The following AMDHD2 variants were observed in gnomAD, a reference collection of about 807,000 sequenced individuals.
AMDHD2 encodes the protein N-acetylglucosamine-6-phosphate deacetylase.
In AMDHD2, 24 loss-of-function variants were observed where a neutral mutation model predicts 41.8. The observed-to-expected ratio is 0.57, with a 90% confidence interval of 0.42 to 0.81. AMDHD2 has a LOEUF of 0.81. Ranked by LOEUF, AMDHD2 falls within the 30% of genes least tolerant of loss-of-function variation. The pLI is 0.00. For synonymous variants in AMDHD2, 332 were observed against 255.5 expected (o/e 1.30, Z -2.85); for missense variants, 540 against 588.5 (o/e 0.92, Z 0.85).
At chr16:2,522,331 C>T (rs1166606904) in intron 3 of AMDHD2, among the ~76,000 whole-genome samples, 3 of 152,194 alleles carry the variant, frequency 2.0e-5, no homozygotes, top group Non-Finnish European at 4.4e-5. Context: ...ATCCTCCTGT[C>T]TTAGTCCCCC....
chr16:2,528,620 C>G (rs150329695), intron 8 of AMDHD2, 30 bp from the exon 9 acceptor site: 81 of 1,612,958 alleles, frequency 5.0e-5, no homozygotes, highest in Non-Finnish European at 6.5e-5. Context: ...GCCCACGACC[C>G]CCCCAGAGCC....
rs1252821657 is a variant in AMDHD2 at position 2,530,285 on chromosome 16, T to C, written c.*722T>C. 6.2e-7 allele frequency: 1 copy of C among 1,613,440 alleles called. No individual in the cohort carries two copies. The highest frequency in any genetic ancestry group is 8.5e-7 in the Non-Finnish European group (1 of 1,179,820). ...CAGTGCTTGCCGGCTGTGGTGACCC[T>C]GCCTGGTGCTGGAGGGCAGTATGGG... On this transcript the variant is annotated 3_prime_UTR_variant, in exon 11 of 11. Coordinates refer to ENST00000293971, the MANE Select transcript of AMDHD2 (RefSeq NM_001330449.2).
rs138726717 is a variant in AMDHD2 at position 2,521,121 on chromosome 16, A to G, written c.358A>G (p.Lys120Glu). The G allele has an allele frequency of 4.9e-5, 78 of 1,576,356 alleles. No individual in the cohort carries two copies. The highest frequency in any genetic ancestry group is 6.4e-5 in the Non-Finnish European group (74 of 1,155,278). The change falls in exon 3 of 11, where the codon AAG becomes GAG. Residue 120 changes from lysine (K) to glutamate (E), a missense_variant and splice_region_variant. Physicochemically the swap from Lys to Glu is moderately conservative, Grantham distance 56 (BLOSUM62 1). Transcript: ENST00000293971. ...CACTTCCCCACCGGAGGTTTATCAC[A>G]AGGTGAGGTGAGGCTCCCTGGCTGA... Reference protein sequence around the residue: ...LVTSPPEVYHKVVPQIPVKSG... With the variant: ...LVTSPPEVYHEVVPQIPVKSG...
In AMDHD2 at chr16:2,529,109, G is replaced by A. The variant is rs370224442; in HGVS notation, c.1141+14G>A. ...GTGCTGACGCAGGTGAGGGCCTGTC[G>A]CAGGGTCACCGGGCAGCCTGGCCCT... On this transcript the variant is annotated intron_variant, in intron 10 of 10. Transcript: ENST00000293971. 1.1e-5 allele frequency: 17 copies of A among 1,540,176 alleles called. No individual in the cohort carries two copies. The highest frequency in any genetic ancestry group is 9.7e-5 in the African/African-American group (7 of 72,500).
intron 3 of AMDHD2, among the ~76,000 whole-genome samples, chr16:2,526,024 G>C (rs941300558): frequency 6.6e-6 from 1 of 152,194 alleles, no homozygotes; most frequent in Non-Finnish European, 1.5e-5. Flanking sequence ...AGGGACAGAA[G>C]ACCTCTTATT....
In AMDHD2 at chr16:2,531,174, T is replaced by C; in HGVS notation, c.*1611T>C. The C allele has an allele frequency of 7.0e-7, 1 of 1,435,962 alleles. No individual in the cohort carries two copies. Among genetic ancestry groups the C allele is most frequent in the Non-Finnish European group, 9.3e-7 (1 of 1,070,266 alleles). 89.0% of individuals were successfully genotyped at this position (1,435,962 alleles called of 1,614,324 possible). A position where few individuals can be genotyped will look rare whatever the true frequency, so the allele number is the denominator to read the frequency against. Reference sequence around the variant, plus strand: ...CCTGGGCCAGCCTTTGGGCCTGGCCTGCCCCATTCACCGGCCAGCGCCCCA... The same window carrying C: ...CCTGGGCCAGCCTTTGGGCCTGGCCCGCCCCATTCACCGGCCAGCGCCCCA... On this transcript the variant is annotated 3_prime_UTR_variant, in exon 11 of 11. Coordinates refer to ENST00000293971, the MANE Select transcript of AMDHD2 (RefSeq NM_001330449.2).
At chr16:2,522,840 T>G (rs190931852) in intron 3 of AMDHD2, among the ~76,000 whole-genome samples, 1 of 150,046 alleles carries the variant, frequency 6.7e-6, no homozygotes, top group Admixed American at 6.6e-5. Context: ...TCCTTAGTAC[T>G]TAACTTTTTT....
At chr16:2,522,354 A>G (rs2065951964) in intron 3 of AMDHD2, among the ~76,000 whole-genome samples, 1 of 152,058 alleles carries the variant, frequency 6.6e-6, no homozygotes. Context: ...AGTAGCTGGC[A>G]CTACGGGCTT....
Position 2,520,893 on chromosome 16 carries a change from G to C in AMDHD2, c.208G>C (p.Val70Leu). ...GRILAPGFID[V>L]QINGGFGVDF... The stretch of plus-strand genomic sequence containing the variant: ...CATCTTGGCTCCCGGATTCATCGAC[G>C]TGCAGATCAACGGTGCGGCCCGGGG... Residue 70 changes from valine to leucine, a missense_variant, in exon 2 of 11, where the codon GTG (valine) becomes CTG (leucine). Transcript: ENST00000293971. The C allele has an allele frequency of 6.2e-7, 1 of 1,609,884 alleles. No homozygotes were observed. The highest frequency in any genetic ancestry group is 8.5e-7 in the Non-Finnish European group (1 of 1,177,688).
rs751853332 is a variant in AMDHD2, at chr16:2,530,687, G to T, written c.*1124G>T. On this transcript the variant is annotated 3_prime_UTR_variant, in exon 11 of 11. Transcript: ENST00000293971. ...AATGTCTCCAGGTCCAAAGAGATAGGATGGTCTGGGCCCCACCTGTTGGAA... is the reference window on the plus strand; with the variant it reads ...AATGTCTCCAGGTCCAAAGAGATAGTATGGTCTGGGCCCCACCTGTTGGAA... The T allele has an allele frequency of 3.1e-6, 5 of 1,614,140 alleles. No individual in the cohort carries two copies. The highest frequency in any genetic ancestry group is 4.2e-6 in the Non-Finnish European group (5 of 1,180,028).
At position 2,521,076 on chromosome 16, in the gene AMDHD2, T is replaced by G. The variant is rs1429231420; in HGVS notation, c.313T>G (p.Ser105Ala). 6.2e-7 allele frequency: 1 copy of G among 1,610,708 alleles called. No individual in the cohort carries two copies. Among genetic ancestry groups the G allele is most frequent in the East Asian group, 2.2e-5 (1 of 44,666 alleles). ...GAGGATCCTGTCGCACGGCGTCACC[T>G]CCTTCTGCCCCACCCTGGTCACTTC... Reference protein sequence around the residue: ...ARRILSHGVTSFCPTLVTSPP... With the variant: ...ARRILSHGVTAFCPTLVTSPP... The change falls in exon 3 of 11, where the codon TCC becomes GCC. Residue 105 changes from serine (S) to alanine (A), a missense_variant. By Grantham distance (99) the Ser-to-Ala change is moderately conservative (BLOSUM62 1). Coordinates refer to ENST00000293971, the MANE Select transcript of AMDHD2 (RefSeq NM_001330449.2).
In AMDHD2 at chr16:2,530,388, A is replaced by T; in HGVS notation, c.*825A>T. The stretch of plus-strand genomic sequence containing the variant: ...GTCCCCTTGGCCCTGGCACACACCC[A>T]TGTGGCAAACACGGGCCGTGAGGCT... On this transcript the variant is annotated 3_prime_UTR_variant, in exon 11 of 11. Transcript: ENST00000293971. The T allele has an allele frequency of 1.2e-6, 2 of 1,614,128 alleles. No individual in the cohort carries two copies. Among genetic ancestry groups the T allele is most frequent in the South Asian group, 1.1e-5 (1 of 91,088 alleles).
rs2065918547 is a variant in AMDHD2, at chr16:2,520,553, C to A, written c.83+12C>A. 1.6e-6 allele frequency: 2 copies of A among 1,227,586 alleles called. No homozygotes were observed. Among genetic ancestry groups the A allele is most frequent in the African/African-American group, 3.2e-5 (2 of 62,688 alleles). The allele number at this position is 1,227,586 out of a possible 1,614,324, so 76.0% of individuals were successfully genotyped here. Reference sequence around the variant, plus strand: ...GGGAAACTGCTCAGGTGGGCGCGGGCCGGGGACTGCGGGGCTGGGGACCGG... The same window carrying A: ...GGGAAACTGCTCAGGTGGGCGCGGGACGGGGACTGCGGGGCTGGGGACCGG... On this transcript the variant is annotated intron_variant, in intron 1 of 10. Transcript: ENST00000293971.
At position 2,530,718 on chromosome 16, in the gene AMDHD2, C is replaced by T; in HGVS notation, c.*1155C>T. 1 of 1,614,000 alleles carries T rather than the reference C, an allele frequency of 6.2e-7. No individual in the cohort carries two copies. The highest frequency in any genetic ancestry group is 8.5e-7 in the Non-Finnish European group (1 of 1,180,020). ...CTGGGCCCCACCTGTTGGAAGGGAA[C>T]AGCCAGGGAAGAACCACCTGCCTGG... On this transcript the variant is annotated 3_prime_UTR_variant, in exon 11 of 11. Coordinates refer to ENST00000293971, the MANE Select transcript of AMDHD2 (RefSeq NM_001330449.2).
rs1008354193 is a variant in AMDHD2, at chr16:2,520,378, C to T, written c.-81C>T. The T allele has an allele frequency of 4.4e-6, 5 of 1,140,702 alleles. No homozygotes were observed. Among genetic ancestry groups the T allele is most frequent in the Non-Finnish European group, 5.5e-6 (5 of 909,086 alleles). 70.7% of individuals were successfully genotyped at this position (1,140,702 alleles called of 1,614,324 possible). A position where few individuals can be genotyped will look rare whatever the true frequency, so the allele number is the denominator to read the frequency against. Reference sequence around the variant, plus strand: ...GAAGGTCACGTGGGCGCGGTCTCAGCTCTCGGCTGGGGTTCGTCACTGGGC... The same window carrying T: ...GAAGGTCACGTGGGCGCGGTCTCAGTTCTCGGCTGGGGTTCGTCACTGGGC... On this transcript the variant is annotated 5_prime_UTR_variant, in exon 1 of 11. Transcript: ENST00000293971.
At chr16:2,529,160 G>A in intron 10 of AMDHD2, 65 bp downstream of exon 10, 1 of 1,438,982 alleles carries the variant, frequency 6.9e-7, no homozygotes, top group Non-Finnish European at 9.2e-7. Flanking sequence ...TGTTCCTGGG[G>A]CGGCCTGGAC....
Position 2,528,051 on chromosome 16 carries a change from G to C in AMDHD2, c.629-9G>C, listed in dbSNP as rs757210460. The stretch of plus-strand genomic sequence containing the variant: ...GGCCAGGTGCAAAGTCTGAATCCAG[G>C]TCCCGCAGGGCACTCAGTGGCTGAC... On this transcript the variant is annotated splice_polypyrimidine_tract_variant and intron_variant, in intron 5 of 10. Coordinates refer to ENST00000293971, the MANE Select transcript of AMDHD2 (RefSeq NM_001330449.2). 6 of 1,612,668 alleles carry C rather than the reference G, an allele frequency of 3.7e-6. No individual in the cohort carries two copies. Among genetic ancestry groups the C allele is most frequent in the Admixed American group, 1.7e-5 (1 of 60,030 alleles).
At chr16:2,521,824 C>T (rs1336405647) in intron 3 of AMDHD2, among the ~76,000 whole-genome samples, 1 of 142,822 alleles carries the variant, frequency 7.0e-6, no homozygotes, top group East Asian at 2.0e-4. Context: ...CGCTCTGTCG[C>T]CCAGGCTGGA....
chr16:2,521,347 A>C (rs376123952), intron 3 of AMDHD2, among the ~76,000 whole-genome samples: 1 of 151,736 alleles, frequency 6.6e-6, no homozygotes, highest in Non-Finnish European at 1.5e-5. Context: ...AGCTGTCTCC[A>C]CACTGCTGGC....
Sources: allele counts gnomAD v4.1 joint callset (sites outside exome capture counted in the v4.1 genomes callset), GRCh38; gene constraint gnomAD v4.1.1; transcripts MANE v1.5; gene names NCBI Gene and HGNC (gene_info 2026-07-23, HGNC 2026-07-21).